The following WWOX variants were observed in gnomAD, a reference collection of about 807,000 sequenced individuals.
WWOX encodes WW domain containing oxidoreductase, also known as WW domain-containing oxidoreductase.
A neutral mutation model predicts 46.2 loss-of-function variants in WWOX; 69 were observed. The ratio of observed to expected loss-of-function variants is 1.49; its 90% confidence interval spans 1.23 to 1.82. WWOX has a LOEUF of 1.82. Ranked by LOEUF, WWOX falls within the 40% of genes most tolerant of loss-of-function variation. The pLI is 0.00. For missense variants in WWOX, 919 were observed against 542.6 expected, an observed-to-expected ratio of 1.69 and a Z score of -6.89; for synonymous variants, 359 against 202.6, an observed-to-expected ratio of 1.77 and a Z score of -6.56.
chr16:78,777,692 A>T (rs977640399), intron 8 of WWOX, among the ~76,000 whole-genome samples: 2 of 152,208 alleles, frequency 1.3e-5, no homozygotes, highest in Admixed American at 6.5e-5. Flanking sequence ...TTACCTAAAA[A>T]GGTAATCATT....
intron 8 of WWOX, among the ~76,000 whole-genome samples, chr16:78,917,669 G>C (rs1317268613): frequency 6.6e-6 from 1 of 151,922 alleles, no homozygotes; most frequent in Non-Finnish European, 1.5e-5. Context: ...AATATCTCTT[G>C]CTTTCCTACA....
chr16:78,411,393 G>GA (rs2082677254), intron 6 of WWOX, among the ~76,000 whole-genome samples: 2 of 152,120 alleles, frequency 1.3e-5, no homozygotes. Context: ...TTTCTTCAGT[G>GA]AAATAATATT....
chr16:78,203,354 C>G (rs533598128), intron 5 of WWOX, among the ~76,000 whole-genome samples: 19 of 152,002 alleles, frequency 1.2e-4, no homozygotes, highest in Admixed American at 8.5e-4. Flanking sequence ...CAATATTAAG[C>G]AAGTTTAATG....
intron 8 of WWOX, among the ~76,000 whole-genome samples, chr16:78,876,248 C>A (rs771265037): frequency 1.9e-4 from 29 of 151,794 alleles, no homozygotes; most frequent in Non-Finnish European, 3.5e-4. Flanking sequence ...TCTTTAAAAG[C>A]AGTTCTAAAA....
At chr16:78,799,003 G>A (rs2050816221) in intron 8 of WWOX, among the ~76,000 whole-genome samples, 1 of 152,122 alleles carries the variant, frequency 6.6e-6, no homozygotes, top group African/African-American at 2.4e-5. Context: ...AACAATGTGA[G>A]CAAAATGCTT....
intron 8 of WWOX, among the ~76,000 whole-genome samples, chr16:78,782,950 A>G (rs1015092822): frequency 1.3e-5 from 2 of 152,196 alleles, no homozygotes; most frequent in African/African-American, 4.8e-5. Flanking sequence ...GATTTCTCAT[A>G]CATCAGGCCA....
intron 8 of WWOX, among the ~76,000 whole-genome samples, chr16:78,954,507 T>C (rs2046125767): frequency 6.6e-6 from 1 of 152,164 alleles, no homozygotes. Flanking sequence ...CCTAGTGGCT[T>C]GCTAAAAATA....
At chr16:79,064,862 G>C (rs1483255106) in intron 8 of WWOX, among the ~76,000 whole-genome samples, 2 of 152,194 alleles carry the variant, frequency 1.3e-5, no homozygotes, top group African/African-American at 4.8e-5. Context: ...TGTTGTGTTG[G>C]AAGAGAGACA....
Position 78,485,301 on chromosome 16 carries a change from A to G in WWOX, c.1056+52549A>G, listed in dbSNP as rs1404509978. On this transcript the variant is annotated intron_variant, in intron 8 of 8. Coordinates refer to ENST00000566780, the MANE Select transcript of WWOX (RefSeq NM_016373.4). Reference sequence around the variant, plus strand: ...TGAAACTACATGTTCATTGAAAATGATCTTTTGGGTGGTTGATGTTCGATT... The same window carrying G: ...TGAAACTACATGTTCATTGAAAATGGTCTTTTGGGTGGTTGATGTTCGATT... 2.6e-5 allele frequency among the ~76,000 whole-genome samples: 4 copies of G among 151,952 alleles called. No individual in the cohort carries two copies. In the East Asian group the frequency reaches 7.8e-4, roughly 29 times the overall value.
chr16:78,817,648 A>G (rs923870812), intron 8 of WWOX, among the ~76,000 whole-genome samples: 4 of 151,978 alleles, frequency 2.6e-5, no homozygotes, highest in Non-Finnish European at 5.9e-5. Flanking sequence ...TAAGTCCTGT[A>G]CTCCTGGGTA....
intron 8 of WWOX, among the ~76,000 whole-genome samples, chr16:78,655,262 G>A (rs575963129): frequency 3.9e-5 from 6 of 152,238 alleles, no homozygotes; most frequent in African/African-American, 1.4e-4. Context: ...GTGGTGGGGC[G>A]TGGGCACTAA....
intron 8 of WWOX, among the ~76,000 whole-genome samples, chr16:78,759,938 C>G (rs925779829): frequency 1.3e-5 from 2 of 152,262 alleles, no homozygotes; most frequent in East Asian, 1.9e-4. Flanking sequence ...TTCACTATCC[C>G]TTCTTTTTTC....
At chr16:78,950,107 G>C (rs1402584418) in intron 8 of WWOX, among the ~76,000 whole-genome samples, 1 of 152,092 alleles carries the variant, frequency 6.6e-6, no homozygotes, top group Admixed American at 6.5e-5. Context: ...ATGATATACT[G>C]CACATGTTTT....
At chr16:78,614,318 C>T (rs1317305346) in intron 8 of WWOX, among the ~76,000 whole-genome samples, 1 of 152,224 alleles carries the variant, frequency 6.6e-6, no homozygotes, top group African/African-American at 2.4e-5. Flanking sequence ...AGTAGAATAA[C>T]ATGGTTTATT....
At chr16:78,447,711 G>C (rs1378698566) in intron 8 of WWOX, among the ~76,000 whole-genome samples, 3 of 152,206 alleles carry the variant, frequency 2.0e-5, no homozygotes, top group Non-Finnish European at 4.4e-5. Flanking sequence ...CTCTACAGCT[G>C]TTGCTGGGGA....
intron 8 of WWOX, among the ~76,000 whole-genome samples, chr16:79,126,013 G>A (rs1279611344): frequency 6.6e-6 from 1 of 152,178 alleles, no homozygotes; most frequent in South Asian, 2.1e-4. Context: ...GTGCTTAGTA[G>A]ATGTTTACTG....
intron 8 of WWOX, among the ~76,000 whole-genome samples, chr16:78,732,155 A>T (rs1201130876): frequency 6.6e-6 from 1 of 151,996 alleles, no homozygotes; most frequent in Non-Finnish European, 1.5e-5. Flanking sequence ...TGAGCCCCCA[A>T]CCCCAAAACT....
intron 8 of WWOX, among the ~76,000 whole-genome samples, chr16:78,821,562 C>T (rs1252649622): frequency 1.3e-5 from 2 of 152,138 alleles, no homozygotes; most frequent in Admixed American, 6.5e-5. Flanking sequence ...CAACAGTGTC[C>T]CAGGGTCAAG....
chr16:78,441,626 T>C (rs752527539), intron 8 of WWOX, among the ~76,000 whole-genome samples: 3 of 152,056 alleles, frequency 2.0e-5, no homozygotes, highest in Non-Finnish European at 4.4e-5. Flanking sequence ...GGTAGACAGC[T>C]CTCGGGTCCA....
Sources: allele counts gnomAD v4.1 joint callset (sites outside exome capture counted in the v4.1 genomes callset), GRCh38; gene constraint gnomAD v4.1.1; transcripts MANE v1.5; gene names NCBI Gene and HGNC (gene_info 2026-07-23, HGNC 2026-07-21).